Variants in LINGO2 observed in about 807,000 individuals in gnomAD.
LINGO2 encodes the protein leucine-rich repeat and immunoglobulin-like domain-containing nogo receptor-interacting protein 2.
LINGO2 carries 14 observed loss-of-function variants against 30.6 expected under a neutral mutation model. That is an observed-to-expected ratio of 0.46 (90% CI 0.30 to 0.72). The LOEUF (loss-of-function observed/expected upper bound fraction) is 0.72. Ranked by LOEUF, LINGO2 falls within the 30% of genes least tolerant of loss-of-function variation. The probability of loss-of-function intolerance (pLI) is 0.07; values close to 1 mark genes in which losing one functional copy is unlikely to be tolerated. For synonymous variants in LINGO2, 317 were observed against 288.5 expected (o/e 1.10, Z -1.00); for missense variants, 729 against 751.7 (o/e 0.97, Z 0.35).
intron 2 of LINGO2, among the ~76,000 whole-genome samples, chr9:28,471,731 G>T (rs1010381002): frequency 6.6e-6 from 1 of 152,140 alleles, no homozygotes; most frequent in Non-Finnish European, 1.5e-5. Flanking sequence ...ATACAAATTG[G>T]TTTAACCTTT....
At chr9:29,030,312 G>A in the LINGO2 span, among the ~76,000 whole-genome samples, 5 of 151,970 alleles carry the variant, frequency 3.3e-5, no homozygotes, top group African/African-American at 1.2e-4. Context: ...ATTCCACAAT[G>A]CATACTTTTA....
At chr9:28,640,227 G>C (rs530182877) in intron 1 of LINGO2, among the ~76,000 whole-genome samples, 2 of 152,014 alleles carry the variant, frequency 1.3e-5, no homozygotes, top group African/African-American at 2.4e-5. Context: ...TGGGTAACCC[G>C]ACCTTTCTCT....
intron 4 of LINGO2, among the ~76,000 whole-genome samples, chr9:28,194,442 G>A (rs1320484940): frequency 6.6e-6 from 1 of 151,600 alleles, no homozygotes; most frequent in East Asian, 1.9e-4. Context: ...CAAAGTCTCT[G>A]CAACTAATCA....
the LINGO2 span, among the ~76,000 whole-genome samples, chr9:28,718,578 T>C: frequency 6.6e-6 from 1 of 152,032 alleles, no homozygotes; most frequent in African/African-American, 2.4e-5. Context: ...CTGCTCTGAC[T>C]AAAACCTCTT....
chr9:29,126,321 T>C, the LINGO2 span, among the ~76,000 whole-genome samples: 1 of 152,146 alleles, frequency 6.6e-6, no homozygotes, highest in Non-Finnish European at 1.5e-5. Flanking sequence ...AAATGTCACT[T>C]AGCCTTCCTA....
intron 1 of LINGO2, among the ~76,000 whole-genome samples, chr9:28,563,366 C>T (rs1823204765): frequency 6.6e-6 from 1 of 152,096 alleles, no homozygotes; most frequent in Admixed American, 6.6e-5. Context: ...TCTAGAATAT[C>T]AGGGTTTCTG....
At chr9:28,381,170 T>C (rs1365655631) in intron 2 of LINGO2, among the ~76,000 whole-genome samples, 2 of 151,676 alleles carry the variant, frequency 1.3e-5, no homozygotes, top group African/African-American at 2.4e-5. Flanking sequence ...TTTTCCAGAG[T>C]CCTAGTGTGG....
At chr9:28,289,582 A>AT (rs1381731803) in intron 4 of LINGO2, among the ~76,000 whole-genome samples, 5 of 152,224 alleles carry the variant, frequency 3.3e-5, no homozygotes, top group African/African-American at 1.2e-4. Context: ...CAAGATAATT[A>AT]TTAATTGCAT....
intron 1 of LINGO2, among the ~76,000 whole-genome samples, chr9:28,566,418 C>A (rs1162896492): frequency 6.6e-6 from 1 of 152,272 alleles, no homozygotes; most frequent in Non-Finnish European, 1.5e-5. Context: ...AATATAACTA[C>A]TATGCCACAT....
chr9:28,779,409 C>T, the LINGO2 span, among the ~76,000 whole-genome samples: 18 of 152,136 alleles, frequency 1.2e-4, no homozygotes, highest in African/African-American at 4.3e-4. Context: ...TATCTTGACA[C>T]AGTTCAGATT....
chr9:29,193,220 C>T, the LINGO2 span, among the ~76,000 whole-genome samples: 1 of 152,146 alleles, frequency 6.6e-6, no homozygotes, highest in Non-Finnish European at 1.5e-5. Context: ...TGTTTAGGAC[C>T]AAATATTATC....
chr9:28,958,350 A>C, the LINGO2 span, among the ~76,000 whole-genome samples: 6 of 152,212 alleles, frequency 3.9e-5, no homozygotes, highest in Admixed American at 1.3e-4. Context: ...CAAAATATTT[A>C]ATAAGAGTAT....
the LINGO2 span, among the ~76,000 whole-genome samples, chr9:28,712,601 G>T: frequency 1.3e-5 from 2 of 151,354 alleles, no homozygotes; most frequent in Admixed American, 1.3e-4. Flanking sequence ...TACCTACTTT[G>T]TATGACTACA....
At chr9:28,963,543 TAC>T in the LINGO2 span, among the ~76,000 whole-genome samples, 2,153 of 140,850 alleles carry the variant, frequency 0.015, 28 homozygotes, top group East Asian at 0.073. Context: ...GGTATATGAA[TAC>T]ACACACACAC....
chr9:28,443,014 T>A (rs1429262683), intron 2 of LINGO2, among the ~76,000 whole-genome samples: 1 of 152,130 alleles, frequency 6.6e-6, no homozygotes. Flanking sequence ...AAAGTGAGGT[T>A]GTAACACACA....
intron 2 of LINGO2, among the ~76,000 whole-genome samples, chr9:28,428,481 C>T (rs188410898): frequency 6.6e-6 from 1 of 152,220 alleles, no homozygotes; most frequent in African/African-American, 2.4e-5. Context: ...CATGTCTAAT[C>T]AATTCTTTGG....
intron 5 of LINGO2, among the ~76,000 whole-genome samples, chr9:27,963,930 G>A (rs1302436623): frequency 6.6e-6 from 1 of 152,066 alleles, no homozygotes; most frequent in African/African-American, 2.4e-5. Context: ...GTATGAGCAA[G>A]TCTGGAAAAT....
chr9:28,719,607 T>TCTCTTTTTATGTTTTCCCC, the LINGO2 span, among the ~76,000 whole-genome samples: 2 of 152,000 alleles, frequency 1.3e-5, no homozygotes, highest in Admixed American at 6.6e-5. Context: ...TTGTTTTCCT[T>TCTCTTTTTATGTTTTCCCC]CTCTTTTTAT....
chr9:28,251,209 C>T (rs117176684), intron 4 of LINGO2, among the ~76,000 whole-genome samples: 5 of 152,192 alleles, frequency 3.3e-5, no homozygotes, highest in Admixed American at 6.5e-5. Flanking sequence ...AAATAGGCCT[C>T]AGGTCAGTTT....
Sources: gnomAD v4.1 joint callset for allele counts (sites outside exome capture counted in the v4.1 genomes callset) on GRCh38, gnomAD v4.1.1 for gene constraint, MANE v1.5 for transcripts, NCBI Gene and HGNC (gene_info 2026-07-23, HGNC 2026-07-21) for gene names.